NPSR1: variants seen among roughly 807,000 people sequenced by gnomAD.
NPSR1 encodes the protein neuropeptide S receptor.
In NPSR1, 48 loss-of-function variants were observed where a neutral mutation model predicts 46.9. The observed-to-expected ratio is 1.02, with a 90% CI of 0.81 to 1.30. The LOEUF (loss-of-function observed/expected upper bound fraction) is 1.30, where lower values mean the gene tolerates loss of function less well. Ranked by LOEUF, NPSR1 falls within the 50% of genes most tolerant of loss-of-function variation. The pLI is 0.00. For missense variants in NPSR1, 450 were observed against 449.5 expected (o/e 1.00, Z -0.01); for synonymous variants, 176 against 168.1 (o/e 1.05, Z -0.36).
chr7:34,704,859 C>CT (rs1794021216), intron 2 of NPSR1, among the ~76,000 whole-genome samples: 1 of 152,194 alleles, frequency 6.6e-6, no homozygotes, highest in Non-Finnish European at 1.5e-5. Flanking sequence ...ATTAAAGGAG[C>CT]TATCAGTTAT....
intron 2 of NPSR1, among the ~76,000 whole-genome samples, chr7:34,762,905 GTA>G (rs1786245417): frequency 2.0e-5 from 3 of 152,170 alleles, no homozygotes; most frequent in Non-Finnish European, 2.9e-5. Context: ...AGCTTGCTAC[GTA>G]TTCATTATTC....
At chr7:34,771,433 G>C (rs1786680033) in intron 2 of NPSR1, among the ~76,000 whole-genome samples, 3 of 152,074 alleles carry the variant, frequency 2.0e-5, no homozygotes, top group Admixed American at 2.0e-4. Flanking sequence ...GCAATACCCT[G>C]TACCACTTCC....
chr7:34,751,691 G>A (rs1785540992), intron 2 of NPSR1: 2 of 1,588,876 alleles, frequency 1.3e-6, no homozygotes, highest in Admixed American at 1.7e-5. Context: ...TTCATCAACA[G>A]GAAAGTGGGG....
chr7:34,750,915 AC>A, intron 2 of NPSR1: 2 of 736,078 alleles, frequency 2.7e-6, no homozygotes, highest in Non-Finnish European at 5.1e-6. Context: ...CACTTCCTCC[AC>A]CCCCAGCTCG....
intron 2 of NPSR1, among the ~76,000 whole-genome samples, chr7:34,697,367 A>C (rs940582968): frequency 2.0e-5 from 3 of 151,878 alleles, no homozygotes; most frequent in African/African-American, 7.2e-5. Flanking sequence ...CAAATTATGA[A>C]AACTGACATT....
chr7:34,791,408 G>A (rs964192151), intron 3 of NPSR1, among the ~76,000 whole-genome samples: 3 of 147,858 alleles, frequency 2.0e-5, no homozygotes, highest in Non-Finnish European at 4.5e-5. Context: ...AGTCAGTAAT[G>A]TTTCTATACA....
intron 2 of NPSR1, among the ~76,000 whole-genome samples, chr7:34,689,161 A>G (rs1793091441): frequency 6.6e-6 from 1 of 152,204 alleles, no homozygotes; most frequent in Non-Finnish European, 1.5e-5. Flanking sequence ...AGCTCAGACC[A>G]CTGTGCATTT....
chr7:34,852,412 A>G (rs1278818096), downstream of NPSR1, among the ~76,000 whole-genome samples: 1 of 151,924 alleles, frequency 6.6e-6, no homozygotes, highest in African/African-American at 2.4e-5. Context: ...ATCATTTCAC[A>G]CCTCTGGGCA....
intron 2 of NPSR1, among the ~76,000 whole-genome samples, chr7:34,737,490 CCATT>C (rs930911474): frequency 2.0e-5 from 3 of 152,188 alleles, no homozygotes; most frequent in South Asian, 2.1e-4. Context: ...TCTCCCATTC[CCATT>C]CAAATTGTCT....
intron 2 of NPSR1, among the ~76,000 whole-genome samples, chr7:34,725,126 G>A (rs62461538): frequency 8.9e-6 from 1 of 111,982 alleles, no homozygotes; most frequent in African/African-American, 3.4e-5. Flanking sequence ...CACACACACA[G>A]ACACACACAC....
chr7:34,697,861 A>G (rs959701302), intron 2 of NPSR1, among the ~76,000 whole-genome samples: 1 of 152,076 alleles, frequency 6.6e-6, no homozygotes, highest in Non-Finnish European at 1.5e-5. Flanking sequence ...AGTACACTTA[A>G]CCTCAAATGT....
intron 1 of NPSR1, among the ~76,000 whole-genome samples, chr7:34,673,245 T>C (rs1400407394): frequency 6.6e-6 from 1 of 152,158 alleles, no homozygotes; most frequent in Non-Finnish European, 1.5e-5. Context: ...GCCTCCACCA[T>C]CAGACTATAA....
chr7:34,705,520 A>G (rs1794061553), intron 2 of NPSR1, among the ~76,000 whole-genome samples: 1 of 150,646 alleles, frequency 6.6e-6, no homozygotes, highest in South Asian at 2.1e-4. Context: ...TTTGTTTTAT[A>G]CATTTCAATG....
chr7:34,798,195 T>C (rs1465313131), intron 3 of NPSR1, among the ~76,000 whole-genome samples: 1 of 152,188 alleles, frequency 6.6e-6, no homozygotes, highest in East Asian at 1.9e-4. Flanking sequence ...GCATTGGTAA[T>C]CATTATTACC....
intron 8 of NPSR1, among the ~76,000 whole-genome samples, chr7:34,859,445 A>G (rs996587774): frequency 2.0e-5 from 3 of 151,110 alleles, no homozygotes; most frequent in African/African-American, 7.4e-5. Context: ...ATAATACCCC[A>G]CTATGCGGTG....
At chr7:34,802,013 G>C (rs142578108) in intron 3 of NPSR1, among the ~76,000 whole-genome samples, 6 of 149,128 alleles carry the variant, frequency 4.0e-5, no homozygotes, top group African/African-American at 1.6e-4. Context: ...TACAAGTGAC[G>C]TGAAGGACCT....
At chr7:34,809,453 C>A (rs1010603631) in intron 3 of NPSR1, among the ~76,000 whole-genome samples, 1 of 148,672 alleles carries the variant, frequency 6.7e-6, no homozygotes, top group Non-Finnish European at 1.5e-5. Context: ...TATTTAATCA[C>A]CCAGGTATTT....
chr7:34,751,371 G>A, intron 2 of NPSR1: 3 of 1,032,146 alleles, frequency 2.9e-6, no homozygotes, highest in Non-Finnish European at 4.6e-6. Flanking sequence ...GGTCTGGGTT[G>A]CTATAGAGGC....
intron 4 of NPSR1, among the ~76,000 whole-genome samples, chr7:34,819,129 G>T (rs1672597016): frequency 6.6e-6 from 1 of 152,118 alleles, no homozygotes; most frequent in African/African-American, 2.4e-5. Context: ...AGAGTGAATG[G>T]GCAGCCTACA....
Sources: allele counts gnomAD v4.1 joint callset (sites outside exome capture counted in the v4.1 genomes callset), GRCh38; gene constraint gnomAD v4.1.1; transcripts MANE v1.5; gene names NCBI Gene and HGNC (gene_info 2026-07-23, HGNC 2026-07-21).